The following CECR2 variants were observed in gnomAD, a reference collection of about 807,000 sequenced individuals.
CECR2 encodes CECR2 histone acetyl-lysine reader.
Under a neutral mutation model 154.5 loss-of-function variants are expected in CECR2, and 30 were observed. The observed-to-expected ratio is 0.19, with a 90% CI of 0.15 to 0.26. The LOEUF (loss-of-function observed/expected upper bound fraction) is 0.26, where lower values mean the gene tolerates loss of function less well. Among genes scored for constraint, CECR2 ranks in the 10% least tolerant of loss-of-function variants. CECR2 has a pLI of 1.00. For missense variants in CECR2, 1,743 were observed against 1,829.3 expected, an observed-to-expected ratio of 0.95 and a Z score of 0.86; for synonymous variants, 725 against 683.7, an observed-to-expected ratio of 1.06 and a Z score of -0.94.
Position 17,527,268 on chromosome 22 carries a change from G to A in CECR2, c.1108+2997G>A, listed in dbSNP as rs111306616. Among the ~76,000 whole-genome samples, 931 of 152,008 alleles carry A rather than the reference G, an allele frequency of 6.1e-3. 9 individuals carry two copies. Among genetic ancestry groups the A allele is most frequent in the African/African-American group, 0.021 (884 of 41,452 alleles). On this transcript the variant is annotated intron_variant, in intron 9 of 18. Transcript: ENST00000262608. ...AGCACAGGAGTTCAAGACCAGCCTC[G>A]GCAACACGGTAAAACCCCATCTCTA...
At chr22:17,535,082 C>T (rs971611210) in intron 9 of CECR2, among the ~76,000 whole-genome samples, 58 of 151,894 alleles carry the variant, frequency 3.8e-4, no homozygotes, top group African/African-American at 1.3e-3. Context: ...ACCCAGGAGG[C>T]GGAGCTCGCA....
At chr22:17,487,966 TCCA>T (rs2055453753) in intron 2 of CECR2, among the ~76,000 whole-genome samples, 1 of 152,136 alleles carries the variant, frequency 6.6e-6, no homozygotes, top group Admixed American at 6.6e-5. Flanking sequence ...CACTGCAACC[TCCA>T]CCTCCTGGGT....
chr22:17,553,457 T>C lies in CECR2; in HGVS notation c.*617T>C, dbSNP rs78535224. ...ACAATCATGTCACACTGAATACTTA[T>C]GGGAGCCGGAGATGAGGGTAGGAAA... On this transcript the variant is annotated 3_prime_UTR_variant, in exon 19 of 19. Coordinates refer to ENST00000262608, the MANE Select transcript of CECR2 (RefSeq NM_001290047.2). The C allele has an allele frequency of 0.033, 4,996 of 152,374 alleles. 294 individuals are homozygous for C. Among genetic ancestry groups the C allele is most frequent in the African/African-American group, 0.12 (4,815 of 41,528 alleles). The allele number at this position is 152,374 out of a possible 1,614,324, so 9.4% of individuals were successfully genotyped here. A position where few individuals can be genotyped will look rare whatever the true frequency, so the allele number is the denominator to read the frequency against.
chr22:17,382,852 A>G (rs1324908393), intron 1 of CECR2, among the ~76,000 whole-genome samples: 4 of 152,022 alleles, frequency 2.6e-5, no homozygotes, highest in African/African-American at 4.8e-5. Context: ...TTGCAAGTCA[A>G]GTTTGCAACA....
intron 6 of CECR2, among the ~76,000 whole-genome samples, chr22:17,503,342 T>C (rs113533871): frequency 1.7e-3 from 260 of 152,308 alleles, no homozygotes; most frequent in African/African-American, 5.9e-3. Context: ...ACTAGATCTT[T>C]TCACTAGTGC....
chr22:17,410,058 T>C (rs533598159), intron 1 of CECR2, among the ~76,000 whole-genome samples: 1 of 141,498 alleles, frequency 7.1e-6, no homozygotes, highest in African/African-American at 2.6e-5. Context: ...CTCGGCTCAC[T>C]GCAATCTCCA....
chr22:17,421,957 C>T lies in CECR2; in HGVS notation c.126+52048C>T, dbSNP rs540362135. ...AGAAAGTCTTTATTCTCCTTCACTA[C>T]ACAAGGATTCTTTGTCAGGGTACAG... On this transcript the variant is annotated intron_variant, in intron 1 of 18. Transcript: ENST00000262608. Among the ~76,000 whole-genome samples the T allele has an allele frequency of 1.6e-4, 24 of 151,400 alleles. No individual in the cohort carries two copies. In the South Asian group the frequency reaches 5.0e-3, roughly 32 times the overall value.
At chr22:17,477,866 T>G (rs1455051403) in intron 2 of CECR2, among the ~76,000 whole-genome samples, 184 bp downstream of exon 2, 7 of 152,238 alleles carry the variant, frequency 4.6e-5, no homozygotes, top group Non-Finnish European at 7.3e-5. Flanking sequence ...TGGGTTTTTA[T>G]TCCATCATAA....
chr22:17,414,494 C>T (rs2054126041), intron 1 of CECR2, among the ~76,000 whole-genome samples: 1 of 113,194 alleles, frequency 8.8e-6, no homozygotes, highest in East Asian at 2.3e-4. Context: ...TTTATTATAT[C>T]AGTTTTCTTT....
chr22:17,382,045 G>A (rs1441105909), intron 1 of CECR2, among the ~76,000 whole-genome samples: 3 of 123,926 alleles, frequency 2.4e-5, no homozygotes, highest in South Asian at 2.8e-4. Flanking sequence ...CTGCCACCAC[G>A]CCCTGCTAAT....
At chr22:17,533,314 C>T (rs1457671313) in intron 9 of CECR2, among the ~76,000 whole-genome samples, 1 of 139,424 alleles carries the variant, frequency 7.2e-6, no homozygotes, top group Non-Finnish European at 1.5e-5. Flanking sequence ...CAGAGTGAGA[C>T]TCTATCTCCA....
At chr22:17,402,867 C>G (rs1310436675) in intron 1 of CECR2, among the ~76,000 whole-genome samples, 1 of 151,144 alleles carries the variant, frequency 6.6e-6, no homozygotes, top group Admixed American at 6.6e-5. Flanking sequence ...AAGCAGTTCT[C>G]CTGCCTCAGC....
chr22:17,501,101 A>T (rs2055729631), intron 5 of CECR2, among the ~76,000 whole-genome samples: 1 of 152,212 alleles, frequency 6.6e-6, no homozygotes, highest in Non-Finnish European at 1.5e-5. Flanking sequence ...CACCATGTGA[A>T]TCTTGCTATA....
intron 16 of CECR2, among the ~76,000 whole-genome samples, chr22:17,544,352 G>T (rs1268425151): frequency 6.6e-6 from 1 of 151,786 alleles, no homozygotes; most frequent in African/African-American, 2.4e-5. Context: ...CAAAAAATTA[G>T]CCGAGCGTGG....
chr22:17,385,563 C>T (rs76981330), intron 1 of CECR2, among the ~76,000 whole-genome samples: 7,706 of 152,208 alleles, frequency 0.051, 299 homozygotes, highest in African/African-American at 0.11. Flanking sequence ...TGCCCCAAAA[C>T]ATTTACAGTT....
chr22:17,368,928 G>A, upstream of CECR2, among the ~76,000 whole-genome samples: 1 of 152,080 alleles, frequency 6.6e-6, no homozygotes, highest in East Asian at 1.9e-4. Context: ...AGCCACTTCA[G>A]AGCTCCTTGG....
At chr22:17,392,279 G>A (rs113633706) in intron 1 of CECR2, among the ~76,000 whole-genome samples, 5,674 of 151,984 alleles carry the variant, frequency 0.037, 133 homozygotes, top group African/African-American at 0.072. Context: ...TTTTTAATTG[G>A]CCAGGCGCAG....
intron 1 of CECR2, among the ~76,000 whole-genome samples, chr22:17,388,550 C>T (rs1018009568): frequency 1.1e-4 from 16 of 152,152 alleles, no homozygotes; most frequent in African/African-American, 3.9e-4. Context: ...GGAAAACTGA[C>T]ATCCAGTGCG....
chr22:17,388,465 C>A (rs1391880102), intron 1 of CECR2, among the ~76,000 whole-genome samples: 2 of 152,104 alleles, frequency 1.3e-5, no homozygotes, highest in Non-Finnish European at 2.9e-5. Flanking sequence ...GGTGGCAGAA[C>A]CCATACCGGC....
Sources: allele counts gnomAD v4.1 joint callset (sites outside exome capture counted in the v4.1 genomes callset), GRCh38; gene constraint gnomAD v4.1.1; transcripts MANE v1.5; gene names NCBI Gene and HGNC (gene_info 2026-07-23, HGNC 2026-07-21).